The following NSD1 variants were observed in gnomAD, a reference collection of about 807,000 sequenced individuals.
NSD1 encodes the protein histone-lysine N-methyltransferase, H3 lysine-36 specific.
In NSD1, 26 loss-of-function variants were observed where a neutral mutation model predicts 242.7. The observed-to-expected ratio is 0.11, with a 90% CI of 0.08 to 0.15. NSD1 has a LOEUF of 0.15. Ranked by LOEUF, NSD1 falls within the 10% of genes least tolerant of loss-of-function variation. NSD1 has a pLI of 1.00. For missense variants in NSD1, 2,495 were observed against 3,272.8 expected (o/e 0.76, Z 5.80); for synonymous variants, 1,106 against 1,178.1 (o/e 0.94, Z 1.25).
chr5:177,161,397 G>A (rs533071734), intron 2 of NSD1, among the ~76,000 whole-genome samples: 16 of 151,936 alleles, frequency 1.1e-4, no homozygotes, highest in African/African-American at 2.9e-4. Context: ...TCAGTGTGGC[G>A]TGATTAGGCT....
chr5:177,165,133 C>G (rs1437703003), intron 2 of NSD1, among the ~76,000 whole-genome samples: 2 of 152,134 alleles, frequency 1.3e-5, no homozygotes, highest in East Asian at 3.9e-4. Flanking sequence ...ATAAAAACTT[C>G]AAAATTAAAT....
intron 2 of NSD1, among the ~76,000 whole-genome samples, chr5:177,167,501 C>T (rs1000755879): frequency 1.3e-5 from 2 of 151,932 alleles, no homozygotes; most frequent in African/African-American, 4.8e-5. Context: ...CGCCATTGCA[C>T]TCCAGCCTGG....
intron 5 of NSD1, among the ~76,000 whole-genome samples, chr5:177,233,699 A>T (rs1581396022): frequency 6.6e-6 from 1 of 152,186 alleles, no homozygotes; most frequent in East Asian, 1.9e-4. Context: ...ATCTTTTCTG[A>T]TTGGTTTCAC....
chr5:177,140,201 T>C (rs1199688964), intron 2 of NSD1, among the ~76,000 whole-genome samples: 2 of 152,232 alleles, frequency 1.3e-5, no homozygotes, highest in African/African-American at 4.8e-5. Context: ...TTATATTTAA[T>C]TGGGCTGATA....
chr5:177,272,492 G>A (rs1758021145), intron 16 of NSD1, among the ~76,000 whole-genome samples: 3 of 152,154 alleles, frequency 2.0e-5, no homozygotes, highest in African/African-American at 7.2e-5. Context: ...GGGATTCTCA[G>A]AGTTTTTAAT....
At chr5:177,148,012 G>T (rs1419701663) in intron 2 of NSD1, among the ~76,000 whole-genome samples, 2 of 152,124 alleles carry the variant, frequency 1.3e-5, no homozygotes, top group African/African-American at 4.8e-5. Flanking sequence ...TAAGGTAAAA[G>T]TACTATTTAT....
intron 12 of NSD1, among the ~76,000 whole-genome samples, chr5:177,252,796 CCTT>C: frequency 7.5e-6 from 1 of 132,524 alleles, no homozygotes; most frequent in African/African-American, 2.8e-5. Context: ...TCTCTCTCTC[CCTT>C]TTTTTTTTTT....
chr5:177,227,478 A>G lies in NSD1; in HGVS notation c.3797-8343A>G, dbSNP rs7734706. ...TATTATTATTATTATTTTTAGACAG[A>G]GCCTAGCACCCAGGCTGGAGTGCAG... On this transcript the variant is annotated intron_variant, in intron 5 of 22. Transcript: ENST00000439151. Among the ~76,000 whole-genome samples the G allele has an allele frequency of 3.7e-3, 565 of 152,238 alleles. 3 individuals carry two copies. The highest frequency in any genetic ancestry group is 0.013 in the African/African-American group (527 of 41,554).
intron 2 of NSD1, among the ~76,000 whole-genome samples, chr5:177,157,361 C>T (rs556779784): frequency 2.6e-5 from 4 of 151,514 alleles, no homozygotes; most frequent in Non-Finnish European, 2.9e-5. Context: ...AGCGAAACTT[C>T]GTCTCCAAGA....
chr5:177,230,584 G>A (rs1764980534), intron 5 of NSD1, among the ~76,000 whole-genome samples: 1 of 152,042 alleles, frequency 6.6e-6, no homozygotes, highest in Non-Finnish European at 1.5e-5. Flanking sequence ...CCAGCACTTT[G>A]GAAGGCTGAG....
At position 177,153,813 on chromosome 5, in the gene NSD1, TA is replaced by T. The variant is rs1352179621; in HGVS notation, c.927+17785del. ...GGGGTTTTAATATCCAGTACTATGCTAATAATTTTTATAGTGTTTTTACGAC... is the reference window on the plus strand; with the variant it reads ...GGGGTTTTAATATCCAGTACTATGCTATAATTTTTATAGTGTTTTTACGAC... On this transcript the variant is annotated intron_variant, in intron 2 of 22. Transcript: ENST00000439151. Among the ~76,000 whole-genome samples the T allele has an allele frequency of 2.0e-5, 3 of 152,336 alleles. No homozygotes were observed. The East Asian group carries it at 5.8e-4, about 29-fold the overall frequency.
At position 177,294,471 on chromosome 5, in the gene NSD1, C is replaced by G. The variant is rs1283837630; in HGVS notation, c.7103C>G (p.Ala2368Gly). The G allele has an allele frequency of 6.2e-7, 1 of 1,614,082 alleles. No homozygotes were observed. The change falls in exon 23 of 23, where the codon GCC becomes GGC. Residue 2368 changes from alanine to glycine, a missense_variant. Transcript: ENST00000439151. The stretch of plus-strand genomic sequence containing the variant: ...AGGCTGGATAAATCCATAGGTGCTG[C>G]CAGCCCAAGGCCCCAGTCACTGGAG... Reference protein sequence around the residue: ...DPRLDKSIGAASPRPQSLEKT... With the variant: ...DPRLDKSIGAGSPRPQSLEKT...
chr5:177,299,724 T>C lies in NSD1; in HGVS notation c.*4265T>C. 4.3e-6 allele frequency: 1 copy of C among 233,220 alleles called. No homozygotes were observed. The allele number at this position is 233,220 out of a possible 1,614,324, so 14.4% of individuals were successfully genotyped here. On this transcript the variant is annotated 3_prime_UTR_variant, in exon 23 of 23. Transcript: ENST00000439151. ...TTCCCATGGCTTTCAAAACATCAGGTTATTGTGGGGCTTCAGGTGTAAGGT... is the reference window on the plus strand; with the variant it reads ...TTCCCATGGCTTTCAAAACATCAGGCTATTGTGGGGCTTCAGGTGTAAGGT...
chr5:177,259,029 T>C (rs2149916327), intron 13 of NSD1, among the ~76,000 whole-genome samples: 1 of 152,162 alleles, frequency 6.6e-6, no homozygotes, highest in East Asian at 1.9e-4. Context: ...TAGACGGGGT[T>C]TCGCCATGTT....
chr5:177,210,159 G>C lies in NSD1; in HGVS notation c.1760G>C (p.Gly587Ala). The C allele has an allele frequency of 6.2e-7, 1 of 1,611,676 alleles. No individual in the cohort carries two copies. Among genetic ancestry groups the C allele is most frequent in the Non-Finnish European group, 8.5e-7 (1 of 1,179,238 alleles). The stretch of plus-strand genomic sequence containing the variant: ...AAGAAAGAATTTGAGACTTCAAATG[G>C]TGACTCTTTATTGGGCTTGCCTGAG... ...TAKKEFETSN[G>A]DSLLGLPEGA... The change falls in exon 5 of 23, where the codon GGT becomes GCT. Residue 587 changes from glycine to alanine, a missense_variant. Transcript: ENST00000439151.
chr5:177,275,168 G>T (rs973975262), intron 17 of NSD1, among the ~76,000 whole-genome samples: 2 of 151,722 alleles, frequency 1.3e-5, no homozygotes, highest in Non-Finnish European at 2.9e-5. Context: ...TTCGTTGTTT[G>T]TCAGAAATTC....
intron 2 of NSD1, among the ~76,000 whole-genome samples, chr5:177,138,551 C>A (rs986424845): frequency 6.6e-6 from 1 of 152,060 alleles, no homozygotes; most frequent in South Asian, 2.1e-4. Context: ...CCACCGTACC[C>A]ATCCCCTAAT....
chr5:177,164,462 A>G (rs1453825284), intron 2 of NSD1, among the ~76,000 whole-genome samples: 1 of 152,026 alleles, frequency 6.6e-6, no homozygotes, highest in African/African-American at 2.4e-5. Flanking sequence ...CGGGCTCAAA[A>G]TGTAACGTCT....
At chr5:177,151,415 T>A (rs977683869) in intron 2 of NSD1, among the ~76,000 whole-genome samples, 1 of 151,838 alleles carries the variant, frequency 6.6e-6, no homozygotes, top group Non-Finnish European at 1.5e-5. Flanking sequence ...TGAGACGGAG[T>A]TTCGCTCTTG....
Sources: gnomAD v4.1 joint callset for allele counts (sites outside exome capture counted in the v4.1 genomes callset) on GRCh38, gnomAD v4.1.1 for gene constraint, MANE v1.5 for transcripts, NCBI Gene and HGNC (gene_info 2026-07-23, HGNC 2026-07-21) for gene names.